TJP2: variants seen among roughly 807,000 people sequenced by gnomAD.
TJP2 encodes Friedreich ataxia region gene X104 (tight junction protein ZO-2).
TJP2 carries 91 observed loss-of-function variants against 133.1 expected under a neutral mutation model. The ratio of observed to expected loss-of-function variants is 0.68; its 90% CI spans 0.58 to 0.81. The LOEUF (loss-of-function observed/expected upper bound fraction) is 0.81. Ranked by LOEUF, TJP2 falls within the 40% of genes least tolerant of loss-of-function variation. The probability of loss-of-function intolerance (pLI) is 0.00; values close to 1 mark genes in which losing one functional copy is unlikely to be tolerated. For synonymous variants in TJP2, 592 were observed against 583.4 expected (o/e 1.01, Z -0.21); for missense variants, 1,541 against 1,565.6 (o/e 0.98, Z 0.26).
At chr9:69,203,596 G>T (rs1305811831) in intron 1 of TJP2, among the ~76,000 whole-genome samples, 1 of 136,006 alleles carries the variant, frequency 7.4e-6, no homozygotes, top group African/African-American at 2.7e-5. Flanking sequence ...GAGCCACGGT[G>T]CCCAGCCTGG....
At chr9:69,128,947 T>C (rs35116982) in intron 1 of TJP2, among the ~76,000 whole-genome samples, 3,277 of 152,362 alleles carry the variant, frequency 0.022, 43 homozygotes, top group East Asian at 0.058. Context: ...AGAAGCATAC[T>C]GAAAATGTAA....
chr9:69,207,453 C>T (rs544102278), intron 1 of TJP2, among the ~76,000 whole-genome samples: 11 of 152,194 alleles, frequency 7.2e-5, no homozygotes, highest in African/African-American at 2.2e-4. Flanking sequence ...CCATCCTGCC[C>T]TTGAGAGATA....
At chr9:69,236,382 G>A in intron 13 of TJP2, 144 bp downstream of exon 13, 1 of 842,136 alleles carries the variant, frequency 1.2e-6, no homozygotes, top group Non-Finnish European at 1.9e-6. Context: ...ATGGAGAGTG[G>A]CCTGAACTGT....
intron 2 of TJP2, among the ~76,000 whole-genome samples, chr9:69,166,694 T>C (rs955487597): frequency 3.3e-5 from 5 of 150,228 alleles, no homozygotes; most frequent in Middle Eastern, 3.6e-3. Flanking sequence ...AGGCTGGTCT[T>C]GAATTCCTGG....
intron 19 of TJP2, 116 bp downstream of exon 19, chr9:69,248,340 T>C (rs1343504098): frequency 1.4e-6 from 2 of 1,463,204 alleles, no homozygotes; most frequent in Non-Finnish European, 1.8e-6. Context: ...TTGGAGCAGA[T>C]GACTTCCAGG....
chr9:69,154,618 G>A (rs1327439279), intron 2 of TJP2, among the ~76,000 whole-genome samples: 1 of 149,148 alleles, frequency 6.7e-6, no homozygotes, highest in Non-Finnish European at 1.5e-5. Context: ...GACCGACCCT[G>A]TCTCCATTAA....
rs969754107 is a variant in TJP2 at position 69,149,412 on chromosome 9, C to T, written c.-130-2239C>T. Among the ~76,000 whole-genome samples, 10 of 152,152 alleles carry T rather than the reference C, an allele frequency of 6.6e-5. 1 individual carries two copies. Among genetic ancestry groups the T allele is most frequent in the African/African-American group, 1.9e-4 (8 of 41,438 alleles). On this transcript the variant is annotated intron_variant, in intron 1 of 5. Transcript: ENST00000423935. ...CCATGTATGGGCTGGGCTTTAATCC[C>T]GTTGCTTGCTTTGTAGGATGTCCAG...
At chr9:69,191,741 A>ATT (rs368277121) in intron 1 of TJP2, among the ~76,000 whole-genome samples, 2 of 149,982 alleles carry the variant, frequency 1.3e-5, no homozygotes, top group Non-Finnish European at 3.0e-5. Context: ...CATTTTTAAA[A>ATT]TTTTTTTTTT....
chr9:69,248,360 G>A (rs372958385), intron 19 of TJP2, 136 bp downstream of exon 19: 27 of 1,449,028 alleles, frequency 1.9e-5, no homozygotes, highest in Admixed American at 2.8e-5. Flanking sequence ...GGAGTCTCTC[G>A]CTTTGAGTCC....
At chr9:69,192,403 G>A (rs995573471) in intron 1 of TJP2, among the ~76,000 whole-genome samples, 3 of 152,156 alleles carry the variant, frequency 2.0e-5, no homozygotes, top group Non-Finnish European at 4.4e-5. Context: ...TGGCTAGTGC[G>A]TACCAGGAAC....
At chr9:69,150,448 C>G (rs1823417316) in intron 1 of TJP2, among the ~76,000 whole-genome samples, 1 of 151,810 alleles carries the variant, frequency 6.6e-6, no homozygotes. Context: ...ACCTCCCCAC[C>G]ATGCCCAGCT....
intron 9 of TJP2, among the ~76,000 whole-genome samples, 194 bp downstream of exon 9, chr9:69,228,308 G>A (rs1004527920): frequency 6.6e-6 from 1 of 152,152 alleles, no homozygotes; most frequent in Non-Finnish European, 1.5e-5. Flanking sequence ...CTAAACATTG[G>A]GTACAAATGG....
intron 7 of TJP2, 76 bp downstream of exon 7, chr9:69,226,251 G>A: frequency 1.3e-6 from 2 of 1,528,082 alleles, no homozygotes; most frequent in South Asian, 2.3e-5. Context: ...ATTTAGTGTA[G>A]CTATCCAGCT....
chr9:69,208,474 G>T (rs1369285488), intron 1 of TJP2, among the ~76,000 whole-genome samples: 4 of 152,076 alleles, frequency 2.6e-5, no homozygotes, highest in African/African-American at 7.2e-5. Flanking sequence ...ACTTAAAGAT[G>T]GTAGCATCCC....
chr9:69,232,181 T>C (rs537279068), intron 11 of TJP2, among the ~76,000 whole-genome samples: 2 of 152,252 alleles, frequency 1.3e-5, no homozygotes, highest in African/African-American at 4.8e-5. Context: ...GGGAACTGGC[T>C]TCTTTTGCTG....
intron 2 of TJP2, among the ~76,000 whole-genome samples, chr9:69,155,174 G>A (rs7872559): frequency 0.39 from 57,193 of 146,514 alleles, 11,142 homozygotes; most frequent in African/African-American, 0.42. Flanking sequence ...AGCCGAGATC[G>A]TGCCACTTCA....
At chr9:69,237,571 G>A (rs1221722699) in intron 14 of TJP2, among the ~76,000 whole-genome samples, 5 of 117,514 alleles carry the variant, frequency 4.3e-5, no homozygotes, top group Admixed American at 3.6e-4. Context: ...GAGGAGCTAG[G>A]CAGTGTAGTC....
chr9:69,219,134 TA>T (rs1347133585), intron 4 of TJP2, among the ~76,000 whole-genome samples: 1 of 152,208 alleles, frequency 6.6e-6, no homozygotes, highest in South Asian at 2.1e-4. Context: ...CACACCTGTC[TA>T]ATTTTGTATT....
At chr9:69,185,876 T>G (rs1010874665) in intron 1 of TJP2, among the ~76,000 whole-genome samples, 1 of 130,380 alleles carries the variant, frequency 7.7e-6, no homozygotes, top group African/African-American at 2.9e-5. Flanking sequence ...AGCTATAATG[T>G]AGTCCTTTTT....
Sources: allele counts gnomAD v4.1 joint callset (sites outside exome capture counted in the v4.1 genomes callset), GRCh38; gene constraint gnomAD v4.1.1; transcripts MANE v1.5; gene names NCBI Gene and HGNC (gene_info 2026-07-23, HGNC 2026-07-21).